Variants in GAB4 observed in about 807,000 individuals in gnomAD.
GAB4 encodes GRB2-associated-binding protein 4.
In GAB4, 26 loss-of-function variants were observed where a neutral mutation model predicts 51.3. The observed-to-expected ratio is 0.51, with a 90% confidence interval of 0.37 to 0.70. The LOEUF (loss-of-function observed/expected upper bound fraction) is 0.70. Among genes scored for constraint, GAB4 ranks in the 30% least tolerant of loss-of-function variants. The probability of loss-of-function intolerance (pLI) is 0.00; values close to 1 mark genes in which losing one functional copy is unlikely to be tolerated. For missense variants in GAB4, 759 were observed against 734.6 expected (o/e 1.03, Z -0.38); for synonymous variants, 329 against 291.2 (o/e 1.13, Z -1.32).
At chr22:16,963,917 G>T in intron 8 of GAB4, 88 bp from the exon 9 acceptor site, 1 of 972,548 alleles carries the variant, frequency 1.0e-6, no homozygotes, top group Non-Finnish European at 1.6e-6. Context: ...GTAGCTACGA[G>T]CCCACTGGGT....
intron 3 of GAB4, among the ~76,000 whole-genome samples, chr22:16,980,249 G>A (rs2060816392): frequency 6.6e-6 from 1 of 152,184 alleles, no homozygotes; most frequent in African/African-American, 2.4e-5. Flanking sequence ...GAATATTTCT[G>A]CAATCTATCC....
intron 3 of GAB4, among the ~76,000 whole-genome samples, chr22:16,974,830 C>T (rs1369383747): frequency 6.6e-6 from 1 of 152,110 alleles, no homozygotes; most frequent in African/African-American, 2.4e-5. Flanking sequence ...CTCACTGGGA[C>T]TGGTTAGACA....
intron 9 of GAB4, among the ~76,000 whole-genome samples, chr22:16,963,434 T>A (rs891310579): frequency 2.6e-5 from 4 of 152,172 alleles, no homozygotes; most frequent in African/African-American, 9.7e-5. Flanking sequence ...GGAGCCAGGT[T>A]GCCGGTCCTG....
At chr22:16,997,650 T>C (rs1462194017) in intron 1 of GAB4, among the ~76,000 whole-genome samples, 1 of 152,218 alleles carries the variant, frequency 6.6e-6, no homozygotes, top group African/African-American at 2.4e-5. Context: ...TTTAATTAGA[T>C]CCCATTTGGC....
chr22:17,002,897 T>C (rs1452016717), intron 1 of GAB4, among the ~76,000 whole-genome samples: 1 of 150,868 alleles, frequency 6.6e-6, no homozygotes, highest in Non-Finnish European at 1.5e-5. Flanking sequence ...GCAAATTGGA[T>C]AGAGTCAAGA....
In GAB4 at chr22:16,969,973, T is replaced by C. The variant is rs377466804; in HGVS notation, c.907A>G (p.Ser303Gly). 4.9e-5 allele frequency: 79 copies of C among 1,614,072 alleles called. No individual in the cohort carries two copies. The highest frequency in any genetic ancestry group is 6.1e-5 in the Non-Finnish European group (72 of 1,180,022). ...TTATCCGCCTCAGAGCCTGTGAGGCTGCCTCTGGTGTGGCCATGGGAGGCC... is the reference window on the plus strand; with the variant it reads ...TTATCCGCCTCAGAGCCTGTGAGGCCGCCTCTGGTGTGGCCATGGGAGGCC... ...SLASHGHTRG[S>G]LTGSEADNEA... Residue 303 changes from serine to glycine, a missense_variant, in exon 4 of 10, where the codon AGC (serine) becomes GGC (glycine). Ser to Gly is a moderately conservative substitution (Grantham distance 56, BLOSUM62 0). Coordinates refer to ENST00000400588, the MANE Select transcript of GAB4 (RefSeq NM_001037814.1).
chr22:16,967,688 G>A (rs1448764412), intron 5 of GAB4, among the ~76,000 whole-genome samples: 1 of 152,204 alleles, frequency 6.6e-6, no homozygotes, highest in African/African-American at 2.4e-5. Flanking sequence ...TCCAGCTCCT[G>A]CCTCATCTGC....
At position 16,962,601 on chromosome 22, in the gene GAB4, C is replaced by G. The variant is rs2060638027; in HGVS notation, c.*132G>C. The G allele has an allele frequency of 1.3e-6, 1 of 765,448 alleles. No individual in the cohort carries two copies. The highest frequency in any genetic ancestry group is 1.9e-6 in the Non-Finnish European group (1 of 536,606). The allele number at this position is 765,448 out of a possible 1,614,324, so 47.4% of individuals were successfully genotyped here. On this transcript the variant is annotated 3_prime_UTR_variant, in exon 10 of 10. Coordinates refer to ENST00000400588, the MANE Select transcript of GAB4 (RefSeq NM_001037814.1). ...AAGGCACAGGTGGGCCCCAAGCAGG[C>G]AAAGGATGTATATTGATCAGGCCTC...
intron 3 of GAB4, among the ~76,000 whole-genome samples, chr22:16,981,170 TAAATATAAATATA>T (rs1395870360): frequency 6.7e-6 from 1 of 149,404 alleles, no homozygotes; most frequent in Non-Finnish European, 1.5e-5. Context: ...AATAAATAAA[TAAATATAAATATA>T]AAATATAGTA....
At chr22:16,980,720 C>T (rs1391805382) in intron 3 of GAB4, among the ~76,000 whole-genome samples, 1 of 152,144 alleles carries the variant, frequency 6.6e-6, no homozygotes, top group Admixed American at 6.5e-5. Context: ...ATGTTTATTG[C>T]AGCACTATTC....
intron 3 of GAB4, among the ~76,000 whole-genome samples, chr22:16,980,994 T>G (rs1257719384): frequency 6.6e-6 from 1 of 151,590 alleles, no homozygotes; most frequent in Non-Finnish European, 1.5e-5. Context: ...ACATCACACA[T>G]CGGGGCCTGT....
At chr22:17,007,214 G>C (rs1339656498) in intron 1 of GAB4, among the ~76,000 whole-genome samples, 1 of 152,112 alleles carries the variant, frequency 6.6e-6, no homozygotes, top group South Asian at 2.1e-4. Context: ...AACAATTACC[G>C]CTTCCTCAGT....
chr22:16,964,317 C>T (rs1194772336), intron 8 of GAB4, among the ~76,000 whole-genome samples: 1 of 152,208 alleles, frequency 6.6e-6, no homozygotes, highest in Non-Finnish European at 1.5e-5. Flanking sequence ...CTCATTCTTC[C>T]AATATCTATG....
chr22:17,006,631 A>T (rs2061041901), intron 1 of GAB4, among the ~76,000 whole-genome samples: 1 of 152,258 alleles, frequency 6.6e-6, no homozygotes, highest in Non-Finnish European at 1.5e-5. Context: ...AATAGACTGG[A>T]TAAAGAAAAT....
intron 6 of GAB4, 28 bp from the exon 7 acceptor site, chr22:16,965,296 A>ACTG: frequency 6.3e-7 from 1 of 1,577,208 alleles, no homozygotes; most frequent in Non-Finnish European, 8.7e-7. Flanking sequence ...CCTTGTCATC[A>ACTG]GCCAGTGATG....
Position 16,962,105 on chromosome 22 carries a change from C to T in GAB4, c.*628G>A, listed in dbSNP as rs984247428. The T allele has an allele frequency of 2.3e-4, 35 of 152,702 alleles. No individual in the cohort carries two copies. The highest frequency in any genetic ancestry group is 6.7e-4 in the African/African-American group (28 of 41,488). 9.5% of individuals were successfully genotyped at this position (152,702 alleles called of 1,614,324 possible). On this transcript the variant is annotated 3_prime_UTR_variant, in exon 10 of 10. Transcript: ENST00000400588. ...CTGCTTCTTGTGGCTTTCGGCTGTTCGTCTTCATGTTTTCCCTTCCTTTTG... is the reference window on the plus strand; with the variant it reads ...CTGCTTCTTGTGGCTTTCGGCTGTTTGTCTTCATGTTTTCCCTTCCTTTTG...
Position 16,965,183 on chromosome 22 carries a change from C to A in GAB4, c.1374G>T (p.Gly458=). The change falls in exon 7 of 10, where the codon GGG becomes GGT. Residue 458 remains glycine (G), a synonymous_variant. Transcript: ENST00000400588. ...TTCCACTGACAGACACTCACCTGGT[C>A]CCAGACCAGGGCTCTGTGACAGGTG... ...FKPPVTEPWS[G]TSHTFDSSSS... The A allele has an allele frequency of 6.2e-7, 1 of 1,612,004 alleles. No homozygotes were observed. Among genetic ancestry groups the A allele is most frequent in the South Asian group, 1.1e-5 (1 of 90,774 alleles).
intron 3 of GAB4, among the ~76,000 whole-genome samples, chr22:16,978,148 A>C (rs1469985219): frequency 3.3e-5 from 5 of 152,196 alleles, no homozygotes; most frequent in Non-Finnish European, 7.3e-5. Flanking sequence ...AAACAAATTC[A>C]AAAGCTAGCA....
chr22:16,970,191 C>G lies in GAB4; in HGVS notation c.689G>C (p.Ser230Thr), dbSNP rs187875313. The change falls in exon 4 of 10, where the codon AGT becomes ACT. Residue 230 changes from serine to threonine, a missense_variant and splice_region_variant. Transcript: ENST00000400588. Reference protein sequence around the residue: ...HASQRAEHARSASFSQGSEAP... With the variant: ...HASQRAEHARTASFSQGSEAP... ...CTCAGAACCCTGGGAGAAGCTGGCA[C>G]TCCTAAGAGAGAGAAAGAAGGGAAG... 3.8e-5 allele frequency: 61 copies of G among 1,613,926 alleles called. No individual in the cohort carries two copies. In the East Asian group the frequency reaches 9.4e-4, roughly 25 times the overall value.
Sources: gnomAD v4.1 joint callset for allele counts (sites outside exome capture counted in the v4.1 genomes callset) on GRCh38, gnomAD v4.1.1 for gene constraint, MANE v1.5 for transcripts, NCBI Gene and HGNC (gene_info 2026-07-23, HGNC 2026-07-21) for gene names.